Variants in HS6ST3 observed in about 807,000 individuals in gnomAD.
HS6ST3 encodes heparan-sulfate 6-O-sulfotransferase 3.
A neutral mutation model predicts 36.7 loss-of-function variants in HS6ST3; 12 were observed. That is an observed-to-expected ratio of 0.33 (90% CI 0.21 to 0.53). HS6ST3 has a LOEUF of 0.53. HS6ST3 is among the 20% of genes least tolerant of loss of function. The pLI is 0.95. For missense variants in HS6ST3, 584 were observed against 640.9 expected, an observed-to-expected ratio of 0.91 and a Z score of 0.96; for synonymous variants, 240 against 257.5, an observed-to-expected ratio of 0.93 and a Z score of 0.65.
At chr13:96,364,188 T>A (rs577759098) in intron 1 of HS6ST3, among the ~76,000 whole-genome samples, 1 of 152,202 alleles carries the variant, frequency 6.6e-6, no homozygotes, top group South Asian at 2.1e-4. Flanking sequence ...GGTTGGAACA[T>A]AAAATGGTGC....
At chr13:96,385,049 C>T (rs1342330333) in intron 1 of HS6ST3, among the ~76,000 whole-genome samples, 7 of 151,772 alleles carry the variant, frequency 4.6e-5, no homozygotes, top group Admixed American at 4.6e-4. Flanking sequence ...TGTGGTGGCA[C>T]ATGCCTGTAA....
Position 96,683,843 on chromosome 13 carries a change from G to A in HS6ST3, c.708-148647G>A, listed in dbSNP as rs75831845. On this transcript the variant is annotated intron_variant, in intron 1 of 1. Transcript: ENST00000376705. ...CTTTGTGTTAAGAAAATTACAAACCGCAGAGTTAGAATCTGAAAACAATTA... is the reference window on the plus strand; with the variant it reads ...CTTTGTGTTAAGAAAATTACAAACCACAGAGTTAGAATCTGAAAACAATTA... 6.6e-5 allele frequency among the ~76,000 whole-genome samples: 10 copies of A among 152,030 alleles called. No individual in the cohort carries two copies. The South Asian group carries it at 8.3e-4, about 13-fold the overall frequency.
chr13:96,200,429 C>T (rs577439128), intron 1 of HS6ST3, among the ~76,000 whole-genome samples: 2 of 152,294 alleles, frequency 1.3e-5, no homozygotes, highest in East Asian at 3.9e-4. Flanking sequence ...GAAGGCTCCT[C>T]TCTTAGGTAT....
intron 1 of HS6ST3, among the ~76,000 whole-genome samples, chr13:96,526,469 G>T (rs1261137971): frequency 6.6e-6 from 1 of 152,258 alleles, no homozygotes; most frequent in East Asian, 1.9e-4. Flanking sequence ...AGGCTGGTCT[G>T]CTTACCTCCT....
chr13:96,756,220 G>A (rs1876828588), intron 1 of HS6ST3, among the ~76,000 whole-genome samples: 1 of 151,780 alleles, frequency 6.6e-6, no homozygotes, highest in African/African-American at 2.4e-5. Context: ...TTTCTTTTTT[G>A]TTAAGGATTT....
chr13:96,193,835 C>G (rs2054300123), intron 1 of HS6ST3, among the ~76,000 whole-genome samples: 2 of 152,104 alleles, frequency 1.3e-5, no homozygotes, highest in Admixed American at 1.3e-4. Flanking sequence ...TTCTAGCCAT[C>G]TTTTTATTTT....
rs184547657 is a variant in HS6ST3 at position 96,314,281 on chromosome 13, C to T, written c.707+222712C>T. On this transcript the variant is annotated intron_variant, in intron 1 of 1. Coordinates refer to ENST00000376705, the MANE Select transcript of HS6ST3 (RefSeq NM_153456.4). ...AGTACAAGTGTGGTTCTCAAGTTCA[C>T]CCAGATATGAAATCCATTATCTTAC... Among the ~76,000 whole-genome samples, 132 of 152,226 alleles carry T rather than the reference C, an allele frequency of 8.7e-4. 1 individual carries two copies. Among genetic ancestry groups the T allele is most frequent in the African/African-American group, 3.0e-3 (125 of 41,528 alleles).
At chr13:96,519,849 T>G (rs1003622028) in intron 1 of HS6ST3, among the ~76,000 whole-genome samples, 1 of 152,202 alleles carries the variant, frequency 6.6e-6, no homozygotes, top group Non-Finnish European at 1.5e-5. Flanking sequence ...AATGCTAAAT[T>G]ATAGGTATAT....
chr13:96,782,981 C>T (rs1877562077), intron 1 of HS6ST3, among the ~76,000 whole-genome samples: 1 of 152,050 alleles, frequency 6.6e-6, no homozygotes, highest in Non-Finnish European at 1.5e-5. Flanking sequence ...TCTATAAGAA[C>T]AAGCAGAGGC....
At chr13:96,819,391 G>C (rs574126425) in intron 1 of HS6ST3, among the ~76,000 whole-genome samples, 1 of 152,094 alleles carries the variant, frequency 6.6e-6, no homozygotes, top group Non-Finnish European at 1.5e-5. Flanking sequence ...ATACCAGAAG[G>C]CATATCCATA....
At chr13:96,246,553 T>TA (rs1717674189) in intron 1 of HS6ST3, among the ~76,000 whole-genome samples, 1 of 152,200 alleles carries the variant, frequency 6.6e-6, no homozygotes, top group African/African-American at 2.4e-5. Context: ...TTAAGGCAGA[T>TA]ACTTCAAAAA....
chr13:96,287,029 T>C (rs2054807122), intron 1 of HS6ST3, among the ~76,000 whole-genome samples: 1 of 152,164 alleles, frequency 6.6e-6, no homozygotes, highest in African/African-American at 2.4e-5. Context: ...CCAGCACCCA[T>C]GGCAGCAATG....
intron 1 of HS6ST3, among the ~76,000 whole-genome samples, chr13:96,334,572 G>C (rs757663985): frequency 3.3e-5 from 5 of 152,198 alleles, no homozygotes; most frequent in Non-Finnish European, 7.3e-5. Context: ...ATATGGCTGG[G>C]GAGGCCCCAC....
intron 1 of HS6ST3, among the ~76,000 whole-genome samples, chr13:96,511,230 A>C (rs544831404): frequency 5.1e-4 from 78 of 152,280 alleles, no homozygotes; most frequent in African/African-American, 1.8e-3. Context: ...CACGCTTTAC[A>C]TATATGAAAC....
chr13:96,163,137 G>A (rs748064833), intron 1 of HS6ST3, among the ~76,000 whole-genome samples: 3 of 151,352 alleles, frequency 2.0e-5, no homozygotes, highest in Non-Finnish European at 4.4e-5. Flanking sequence ...GGAGTAACAT[G>A]CTGCTTTTAT....
chr13:96,640,089 A>AG (rs1356263624), intron 1 of HS6ST3, among the ~76,000 whole-genome samples: 1 of 151,994 alleles, frequency 6.6e-6, no homozygotes, highest in African/African-American at 2.4e-5. Context: ...ATACTCAGTA[A>AG]TGGGATTGCT....
chr13:96,402,678 A>G (rs1178859718), intron 1 of HS6ST3, among the ~76,000 whole-genome samples: 1 of 152,180 alleles, frequency 6.6e-6, no homozygotes, highest in Non-Finnish European at 1.5e-5. Flanking sequence ...CATAAAGTGC[A>G]TGTTCTTTTG....
intron 1 of HS6ST3, among the ~76,000 whole-genome samples, chr13:96,763,727 A>G (rs1877027303): frequency 6.6e-6 from 1 of 152,132 alleles, no homozygotes; most frequent in East Asian, 1.9e-4. Flanking sequence ...TGCCTACCTC[A>G]TAATGTTGCT....
At chr13:96,165,105 T>C (rs1475467307) in intron 1 of HS6ST3, among the ~76,000 whole-genome samples, 1 of 152,212 alleles carries the variant, frequency 6.6e-6, no homozygotes, top group African/African-American at 2.4e-5. Flanking sequence ...TTAAAACTTA[T>C]AATGAAAAAT....
Sources: gnomAD v4.1 joint callset for allele counts (sites outside exome capture counted in the v4.1 genomes callset) on GRCh38, gnomAD v4.1.1 for gene constraint, MANE v1.5 for transcripts, NCBI Gene and HGNC (gene_info 2026-07-23, HGNC 2026-07-21) for gene names.